Variants in ANO3 observed in about 807,000 individuals in gnomAD.
The protein encoded by ANO3 is anoctamin 3, also known as anoctamin-3.
ANO3 carries 99 observed loss-of-function variants against 144.8 expected under a neutral mutation model. The ratio of observed to expected loss-of-function variants is 0.68; its 90% CI spans 0.58 to 0.81. The LOEUF (loss-of-function observed/expected upper bound fraction) is 0.81. Ranked by LOEUF, ANO3 falls within the 30% of genes least tolerant of loss-of-function variation. The pLI is 0.00. For synonymous variants in ANO3, 414 were observed against 392.6 expected, an observed-to-expected ratio of 1.05 and a Z score of -0.64; for missense variants, 905 against 1,202.2, an observed-to-expected ratio of 0.75 and a Z score of 3.66.
At chr11:26,268,000 A>G (rs77469190) in intron 1 of ANO3, among the ~76,000 whole-genome samples, 2,618 of 152,320 alleles carry the variant, frequency 0.017, 69 homozygotes, top group African/African-American at 0.06. Context: ...TGGCACTAAT[A>G]AGATAAACAG....
intron 14 of ANO3, among the ~76,000 whole-genome samples, chr11:26,595,606 T>G (rs1323525958): frequency 6.6e-6 from 1 of 151,830 alleles, no homozygotes; most frequent in Non-Finnish European, 1.5e-5. Flanking sequence ...AATTACTGAA[T>G]ACCCATTGTG....
chr11:26,314,821 A>G (rs1854583431), intron 1 of ANO3, among the ~76,000 whole-genome samples: 1 of 152,190 alleles, frequency 6.6e-6, no homozygotes, highest in South Asian at 2.1e-4. Flanking sequence ...TATTTTCAAC[A>G]AGAGGTGTTC....
intron 1 of ANO3, among the ~76,000 whole-genome samples, chr11:26,222,483 G>A (rs539009456): frequency 2.6e-5 from 4 of 152,202 alleles, no homozygotes; most frequent in African/African-American, 9.6e-5. Context: ...CCTTCCCACA[G>A]CTCTGCTAGG....
chr11:26,484,979 G>A (rs542952379), intron 4 of ANO3, among the ~76,000 whole-genome samples: 1 of 152,270 alleles, frequency 6.6e-6, no homozygotes, highest in Non-Finnish European at 1.5e-5. Flanking sequence ...TTTTGGAATG[G>A]GTGTGTTTAC....
At chr11:26,515,613 T>C (rs1343371655) in intron 5 of ANO3, among the ~76,000 whole-genome samples, 4 of 151,990 alleles carry the variant, frequency 2.6e-5, no homozygotes, top group Non-Finnish European at 4.4e-5. Context: ...AGTATATGCA[T>C]ATGAAAATGT....
chr11:26,417,255 T>C (rs1379031670), intron 1 of ANO3, among the ~76,000 whole-genome samples: 1 of 152,134 alleles, frequency 6.6e-6, no homozygotes, highest in East Asian at 1.9e-4. Flanking sequence ...GTAACATTAT[T>C]CATAATCGCA....
chr11:26,358,212 G>A (rs1450501923), intron 1 of ANO3, among the ~76,000 whole-genome samples: 8 of 123,486 alleles, frequency 6.5e-5, no homozygotes, highest in Admixed American at 4.5e-4. Flanking sequence ...TCACTCTGTC[G>A]TCAGGCTGGA....
Position 26,647,805 on chromosome 11 carries a change from T to C in ANO3, c.2525T>C (p.Val842Ala). 6.2e-7 allele frequency: 1 copy of C among 1,613,564 alleles called. No homozygotes were observed. The highest frequency in any genetic ancestry group is 8.5e-7 in the Non-Finnish European group (1 of 1,179,670). ...AITSDYIPRF[V>A]YEYKYGPCAN... ...ACTTCTGATTACATCCCACGTTTTG[T>C]TTATGAATACAAATATGGCCCCTGT... is the stretch of plus-strand genomic sequence containing the variant. The change falls in exon 24 of 27, where the codon GTT (valine) becomes GCT (alanine). Residue 842 changes from valine to alanine, a missense_variant. Physicochemically the swap from Val to Ala is moderately conservative, Grantham distance 64. Around this residue, in one of 4 missense-constraint regions of ANO3, gnomAD observed 597 missense variants for 865.1 expected, o/e 0.69. Coordinates refer to ENST00000256737, the MANE Select transcript of ANO3 (RefSeq NM_031418.4).
chr11:26,299,083 A>T (rs1854158086), intron 1 of ANO3, among the ~76,000 whole-genome samples: 2 of 152,232 alleles, frequency 1.3e-5, no homozygotes, highest in Admixed American at 1.3e-4. Context: ...ACAGGATGAA[A>T]TTACCAGGCA....
chr11:26,655,644 GGTTTTTGCCT>G (rs754052098), intron 24 of ANO3, among the ~76,000 whole-genome samples: 1 of 151,914 alleles, frequency 6.6e-6, no homozygotes, highest in Non-Finnish European at 1.5e-5. Context: ...CAGGGATAGG[GGTTTTTGCCT>G]GTTTTGTTCA....
chr11:26,240,420 T>C (rs1381041750), intron 1 of ANO3, among the ~76,000 whole-genome samples: 1 of 152,140 alleles, frequency 6.6e-6, no homozygotes, highest in Middle Eastern at 3.2e-3. Flanking sequence ...AGTCCTATTA[T>C]ACAAAAACAA....
At chr11:26,655,199 C>T (rs985327812) in intron 24 of ANO3, among the ~76,000 whole-genome samples, 12 of 152,152 alleles carry the variant, frequency 7.9e-5, no homozygotes, top group Admixed American at 4.6e-4. Flanking sequence ...AGAAAACATC[C>T]AGGCATTTGG....
chr11:26,469,069 G>C (rs893883454), intron 4 of ANO3, among the ~76,000 whole-genome samples: 1 of 151,698 alleles, frequency 6.6e-6, no homozygotes. Context: ...AAGTAATCTC[G>C]TCCTGTTTTC....
chr11:26,434,724 T>C (rs1590355640), intron 1 of ANO3, among the ~76,000 whole-genome samples: 1 of 152,234 alleles, frequency 6.6e-6, no homozygotes, highest in Admixed American at 6.5e-5. Context: ...TTTCATGTAA[T>C]TGCATGGTTT....
In ANO3 at chr11:26,332,306, T is replaced by C. The variant is rs1855070959; in HGVS notation, c.31T>C (p.Phe11Leu). 1.2e-6 allele frequency: 2 copies of C among 1,613,980 alleles called. No individual in the cohort carries two copies. The highest frequency in any genetic ancestry group is 1.7e-6 in the Non-Finnish European group (2 of 1,180,000). Residue 11 changes from phenylalanine (F) to leucine (L), a missense_variant, in exon 1 of 27, where the codon TTT becomes CTT. Around this residue, in one of 4 missense-constraint regions of ANO3, gnomAD observed 174 missense variants for 171.9 expected, o/e 1.01. Transcript: ENST00000256737. MVHHSGSIQS[F>L]KQQKGMNISK... Reference sequence around the variant, plus strand: ...CCACCATTCAGGCTCCATTCAGTCCTTTAAACAGCAAAAAGGTCAGTTGGA... The same window carrying C: ...CCACCATTCAGGCTCCATTCAGTCCCTTAAACAGCAAAAAGGTCAGTTGGA...
intron 4 of ANO3, among the ~76,000 whole-genome samples, chr11:26,470,353 A>T (rs150570758): frequency 3.1e-4 from 47 of 151,292 alleles, no homozygotes; most frequent in African/African-American, 1.1e-3. Flanking sequence ...TGGAGGCTAC[A>T]GTGAGCCATG....
intron 3 of ANO3, among the ~76,000 whole-genome samples, chr11:26,454,606 G>C (rs1030532065): frequency 1.3e-5 from 2 of 151,654 alleles, no homozygotes; most frequent in African/African-American, 4.8e-5. Flanking sequence ...ACCAAAAAGA[G>C]TCCAGGACCA....
At chr11:26,410,590 T>C (rs1857403844) in intron 1 of ANO3, among the ~76,000 whole-genome samples, 2 of 151,940 alleles carry the variant, frequency 1.3e-5, no homozygotes, top group African/African-American at 4.8e-5. Flanking sequence ...TTTAGTTTAA[T>C]GAGGAAAGGA....
At chr11:26,434,916 T>C (rs192590359) in intron 1 of ANO3, among the ~76,000 whole-genome samples, 11 of 152,104 alleles carry the variant, frequency 7.2e-5, no homozygotes, top group Admixed American at 6.6e-4. Flanking sequence ...GGGTGGAGAG[T>C]TCTGTAAAGA....
Sources: gnomAD v4.1 joint callset for allele counts (sites outside exome capture counted in the v4.1 genomes callset) on GRCh38, gnomAD v4.1.1 for gene constraint, gnomAD v4.1.1 regional missense constraint, MANE v1.5 for transcripts, NCBI Gene and HGNC (gene_info 2026-07-23, HGNC 2026-07-21) for gene names.